Variants in ITGA11 observed in about 807,000 individuals in gnomAD.
ITGA11 encodes the protein integrin subunit alpha 11.
In ITGA11, 97 loss-of-function variants were observed where a neutral mutation model predicts 141.9. That is an observed-to-expected ratio of 0.68 (90% CI 0.58 to 0.81). The LOEUF is 0.81. ITGA11 is among the 30% of genes least tolerant of loss of function. The probability of loss-of-function intolerance (pLI) is 0.00; values close to 1 mark genes in which losing one functional copy is unlikely to be tolerated. For missense variants in ITGA11, 1,387 were observed against 1,559.2 expected, an observed-to-expected ratio of 0.89 and a Z score of 1.86; for synonymous variants, 658 against 624.6, an observed-to-expected ratio of 1.05 and a Z score of -0.80.
chr15:68,322,120 C>T lies in ITGA11; in HGVS notation c.2323-617G>A, dbSNP rs114268984. On this transcript the variant is annotated intron_variant, in intron 18 of 29. Transcript: ENST00000315757. This position sits in a 1 kb window ranked among gnomAD's most constrained non-coding sequence, Gnocchi z 5.6. ...TGATGCAGGGGCCCTGGGGCAGGAG[C>T]GGGACGGTGAGTCTGGGAAATGATA... Among the ~76,000 whole-genome samples, 6 of 151,954 alleles carry T rather than the reference C, an allele frequency of 3.9e-5. No individual in the cohort carries two copies. Among genetic ancestry groups the T allele is most frequent in the Non-Finnish European group, 8.8e-5 (6 of 67,996 alleles).
In ITGA11 at chr15:68,325,103, G is replaced by T. The variant is rs376223634; in HGVS notation, c.2322+28C>A. ...GGAGGTGGGGGTGGGGTTCATGCCC[G>T]AGGTGCGTGCCCTGTACCGAGATGT... On this transcript the variant is annotated intron_variant, in intron 18 of 29. Transcript: ENST00000315757. The surrounding 1 kb of genome is among the most constrained non-coding windows in gnomAD (Gnocchi z 5.5). The T allele has an allele frequency of 1.3e-6, 2 of 1,546,758 alleles. No individual in the cohort carries two copies.
At position 68,403,021 on chromosome 15, in the gene ITGA11, C is replaced by G; in HGVS notation, c.61G>C (p.Asp21His). Residue 21 changes from aspartate (D) to histidine (H), a missense_variant, in exon 2 of 30, where the codon GAC becomes CAC. Physicochemically the swap from Asp to His is moderately conservative, Grantham distance 81. Transcript: ENST00000315757. ...TTCCTGGTGTCCATGTTGAAGGTGTCCGTGAACCCTGAGGCAGGGGGAGAG... is the reference window on the plus strand; with the variant it reads ...TTCCTGGTGTCCATGTTGAAGGTGTGCGTGAACCCTGAGGCAGGGGGAGAG... Reference protein sequence around the residue: ...WALSLWPGFTDTFNMDTRKPR... With the variant: ...WALSLWPGFTHTFNMDTRKPR... The G allele has an allele frequency of 6.2e-7, 1 of 1,611,568 alleles. No homozygotes were observed. Among genetic ancestry groups the G allele is most frequent in the Non-Finnish European group, 8.5e-7 (1 of 1,178,228 alleles).
chr15:68,417,497 C>T (rs1896914390), intron 1 of ITGA11, among the ~76,000 whole-genome samples: 2 of 152,168 alleles, frequency 1.3e-5, no homozygotes, highest in Non-Finnish European at 2.9e-5. Flanking sequence ...TCCCTCATTC[C>T]AATTTTGCTC....
chr15:68,417,045 A>C (rs990450894), intron 1 of ITGA11, among the ~76,000 whole-genome samples: 4 of 151,890 alleles, frequency 2.6e-5, no homozygotes, highest in Admixed American at 6.6e-5. Context: ...TTTGAGACAG[A>C]GTCTTGCTCT....
intron 1 of ITGA11, among the ~76,000 whole-genome samples, chr15:68,417,711 T>C (rs1173004737): frequency 6.6e-6 from 1 of 152,264 alleles, no homozygotes; most frequent in Non-Finnish European, 1.5e-5. Flanking sequence ...GTTCCTCAGA[T>C]ACACCAAGCT....
chr15:68,372,150 A>AG (rs1273574960), intron 2 of ITGA11, among the ~76,000 whole-genome samples: 2 of 151,960 alleles, frequency 1.3e-5, no homozygotes, highest in Non-Finnish European at 2.9e-5. Flanking sequence ...CCATGAAGAG[A>AG]GGGCCTGGGT....
At chr15:68,344,972 C>T (rs1011303291) in intron 10 of ITGA11, among the ~76,000 whole-genome samples, 80 of 152,162 alleles carry the variant, frequency 5.3e-4, no homozygotes, top group African/African-American at 1.8e-3. Flanking sequence ...GTCACCCATG[C>T]CCATCAATTC....
intron 1 of ITGA11, among the ~76,000 whole-genome samples, chr15:68,415,881 G>C (rs2140430095): frequency 6.6e-6 from 1 of 152,322 alleles, no homozygotes; most frequent in Non-Finnish European, 1.5e-5. Flanking sequence ...CCTGCCACCA[G>C]GGGTGAGCTT....
At chr15:68,312,269 A>G (rs6494732) in intron 24 of ITGA11, among the ~76,000 whole-genome samples, 145,325 of 152,240 alleles carry the variant, frequency 0.95, 69,473 homozygotes, top group Middle Eastern at 0.99. Context: ...AAGAGTAAGG[A>G]ACTGCCAGGG....
intron 7 of ITGA11, among the ~76,000 whole-genome samples, chr15:68,353,111 G>T (rs181821842): frequency 3.9e-5 from 6 of 152,332 alleles, no homozygotes; most frequent in Admixed American, 3.9e-4. Context: ...AGAGCCACAC[G>T]GCTTTGGTAT....
rs1893762876 is a variant in ITGA11 at position 68,320,392 on chromosome 15, C to T, written c.2409G>A (p.Met803Ile). Residue 803 changes from methionine (M) to isoleucine (I), a missense_variant and splice_region_variant, in exon 20 of 30, where the codon ATG (methionine) becomes ATA (isoleucine). By Grantham distance (10) the Met-to-Ile change is conservative. Coordinates refer to ENST00000315757, the MANE Select transcript of ITGA11 (RefSeq NM_001004439.2). The stretch of plus-strand genomic sequence containing the variant: ...TCCTCAGCACCCTCTGGCAGTACTC[C>T]CTGAGAACAAGAGACCACCAGAGAC... ...LDARSDLPTAMEYCQRVLRKP... is the reference protein window; with the variant it reads ...LDARSDLPTAIEYCQRVLRKP... The T allele has an allele frequency of 4.4e-6, 7 of 1,581,494 alleles. No homozygotes were observed. The highest frequency in any genetic ancestry group is 6.0e-6 in the Non-Finnish European group (7 of 1,163,648).
chr15:68,427,731 C>T (rs373124658), intron 1 of ITGA11, among the ~76,000 whole-genome samples: 1 of 152,178 alleles, frequency 6.6e-6, no homozygotes, highest in Non-Finnish European at 1.5e-5. Context: ...GGGCATTTGA[C>T]AAAGAATTCA....
At chr15:68,330,677 C>T (rs1006505404) in intron 15 of ITGA11, among the ~76,000 whole-genome samples, 10 of 152,100 alleles carry the variant, frequency 6.6e-5, no homozygotes, top group Admixed American at 2.6e-4. Flanking sequence ...GGTAAAAACA[C>T]GCTCAACTTG....
In ITGA11 at chr15:68,333,785, G is replaced by C. The variant is rs1403338559; in HGVS notation, c.1426-1307C>G. On this transcript the variant is annotated intron_variant, in intron 12 of 29. Transcript: ENST00000315757. The surrounding 1 kb of genome is among the most constrained non-coding windows in gnomAD (Gnocchi z 4.2). ...GGATAGTATCTAAACTCTCTAGCAG[G>C]ACCGTGCTGGACCAGCCTCCCTCCC... Among the ~76,000 whole-genome samples the C allele has an allele frequency of 6.6e-5, 10 of 152,218 alleles. No homozygotes were observed. The highest frequency in any genetic ancestry group is 2.9e-5 in the Non-Finnish European group (2 of 68,006).
chr15:68,402,851 G>T (rs1176391102), intron 2 of ITGA11, 67 bp downstream of exon 2: 1 of 1,095,714 alleles, frequency 9.1e-7, no homozygotes, highest in South Asian at 1.4e-5. Flanking sequence ...CAGGGCACAG[G>T]GGCAGGATGG....
At chr15:68,357,416 G>T in intron 6 of ITGA11, 117 bp from the exon 7 acceptor site, 1 of 1,275,800 alleles carries the variant, frequency 7.8e-7, no homozygotes, top group Non-Finnish European at 1.1e-6. Context: ...GGAGGGAGGA[G>T]GGCTGAGGAC....
intron 1 of ITGA11, among the ~76,000 whole-genome samples, chr15:68,415,687 T>G (rs562633157): frequency 6.6e-6 from 1 of 152,296 alleles, no homozygotes; most frequent in East Asian, 1.9e-4. Context: ...GATAGGGATG[T>G]GCTCACATGC....
In ITGA11 at chr15:68,302,055, AGTGTGTGTGTGTGTGTGTGTGTGTGTGT is replaced by A. The variant is rs3084584; in HGVS notation, c.*976_*1003del. 0.018 allele frequency: 1,859 copies of A among 103,870 alleles called. 44 individuals carry two copies. Among genetic ancestry groups the A allele is most frequent in the African/African-American group, 0.046 (1,275 of 27,470 alleles). The allele number at this position is 103,870 out of a possible 1,614,324, so 6.4% of individuals were successfully genotyped here. ...CGGGCATGAGGGAAGGATGGGAGGC[AGTGTGTGTGTGTGTGTGTGTGTGTGTGT>A]GTGTGTGTGTGTGTGTGTGTGTGTG... On this transcript the variant is annotated 3_prime_UTR_variant, in exon 30 of 30. Transcript: ENST00000315757.
In ITGA11 at chr15:68,351,262, A is replaced by G; in HGVS notation, c.890T>C (p.Val297Ala). 1.9e-6 allele frequency: 3 copies of G among 1,613,946 alleles called. No homozygotes were observed. Among genetic ancestry groups the G allele is most frequent in the Non-Finnish European group, 2.5e-6 (3 of 1,179,864 alleles). The change falls in exon 8 of 30, where the codon GTG (valine) becomes GCG (alanine). Residue 297 changes from valine (V) to alanine (A), a missense_variant. Physicochemically the swap from Val to Ala is moderately conservative, Grantham distance 64. Coordinates refer to ENST00000315757, the MANE Select transcript of ITGA11 (RefSeq NM_001004439.2). ...SERDNVTRYAVAVLGYYNRRG... is the reference protein window; with the variant it reads ...SERDNVTRYAAAVLGYYNRRG... Reference sequence around the variant, plus strand: ...CTTGGGCGGGCCAGGACTTACGGCCACCGCATATCTTGTTACGTTGTCTCT... The same window carrying G: ...CTTGGGCGGGCCAGGACTTACGGCCGCCGCATATCTTGTTACGTTGTCTCT...
Sources: allele counts gnomAD v4.1 joint callset (sites outside exome capture counted in the v4.1 genomes callset), GRCh38; gene constraint gnomAD v4.1.1; non-coding constraint Gnocchi (gnomAD v3.1); transcripts MANE v1.5; gene names NCBI Gene and HGNC (gene_info 2026-07-23, HGNC 2026-07-21).